The following CNTN4 variants were observed in gnomAD, a reference collection of about 807,000 sequenced individuals.
CNTN4 encodes the protein contactin-4.
CNTN4 carries 77 observed loss-of-function variants against 122.5 expected under a neutral mutation model. That is an observed-to-expected ratio of 0.63 (90% CI 0.52 to 0.76). The LOEUF (loss-of-function observed/expected upper bound fraction) is 0.76, where lower values mean the gene tolerates loss of function less well. Ranked by LOEUF, CNTN4 falls within the 30% of genes least tolerant of loss-of-function variation. CNTN4 has a pLI of 0.00. For synonymous variants in CNTN4, 512 were observed against 447.0 expected (o/e 1.15, Z -1.83); for missense variants, 1,256 against 1,259.1 (o/e 1.00, Z 0.04).
chr3:2,136,058 T>A (rs558126432), intron 2 of CNTN4, among the ~76,000 whole-genome samples: 1 of 152,348 alleles, frequency 6.6e-6, no homozygotes, highest in African/African-American at 2.4e-5. Context: ...CTTATCTGGG[T>A]ATGGGCTCAT....
intron 14 of CNTN4, among the ~76,000 whole-genome samples, chr3:3,000,057 GATAAA>G (rs1171245113): frequency 6.6e-6 from 1 of 152,094 alleles, no homozygotes; most frequent in African/African-American, 2.4e-5. Context: ...TCTTAATAGT[GATAAA>G]ATATAAAGAT....
In CNTN4 at chr3:2,275,990, TA is replaced by T. The variant is rs200235949; in HGVS notation, c.-144-63184del. On this transcript the variant is annotated intron_variant, in intron 2 of 24. Transcript: ENST00000418658. The stretch of plus-strand genomic sequence containing the variant: ...AAAGATTTGAAATATCAGGTGAGTA[TA>T]AAATCATTGGTAATTCTAACAACTG... Among the ~76,000 whole-genome samples the T allele has an allele frequency of 5.3e-3, 798 of 151,066 alleles. 3 individuals are homozygous for T. Among genetic ancestry groups the T allele is most frequent in the Middle Eastern group, 0.024 (7 of 292 alleles).
chr3:2,804,737 C>CTTTTTTTTTTTTTTTTTTTTTTT (rs370653933), intron 6 of CNTN4, among the ~76,000 whole-genome samples: 9 of 144,966 alleles, frequency 6.2e-5, no homozygotes, highest in African/African-American at 1.5e-4. Context: ...ATTTTGAGCA[C>CTTTTTTTTTTTTTTTTTTTTTTT]TTTTTTTTTG....
chr3:2,228,140 C>T (rs2039354910), intron 2 of CNTN4, among the ~76,000 whole-genome samples: 1 of 151,726 alleles, frequency 6.6e-6, no homozygotes, highest in Admixed American at 6.6e-5. Context: ...ATAAATTGGC[C>T]AAATAATTAT....
intron 4 of CNTN4, among the ~76,000 whole-genome samples, chr3:2,691,007 C>T (rs919473428): frequency 1.6e-4 from 25 of 152,170 alleles, no homozygotes; most frequent in African/African-American, 4.8e-4. Flanking sequence ...GGGAAGACCA[C>T]GTGAGAAACT....
intron 3 of CNTN4, among the ~76,000 whole-genome samples, chr3:2,393,432 A>C (rs1334439031): frequency 6.6e-6 from 1 of 152,130 alleles, no homozygotes; most frequent in Non-Finnish European, 1.5e-5. Context: ...TTTTAATAGC[A>C]TATGGCAGAT....
intron 14 of CNTN4, among the ~76,000 whole-genome samples, chr3:3,012,519 G>A (rs1315995939): frequency 2.6e-5 from 4 of 151,608 alleles, no homozygotes; most frequent in East Asian, 2.0e-4. Flanking sequence ...GCGTGATCTC[G>A]GCTCACTGCA....
intron 4 of CNTN4, among the ~76,000 whole-genome samples, chr3:2,651,410 A>G (rs1233044357): frequency 2.6e-5 from 4 of 152,200 alleles, no homozygotes; most frequent in Non-Finnish European, 5.9e-5. Context: ...CCACATAGGT[A>G]GTCAGTCATT....
chr3:2,809,844 G>C (rs1209613812), intron 6 of CNTN4, among the ~76,000 whole-genome samples: 1 of 152,122 alleles, frequency 6.6e-6, no homozygotes, highest in Non-Finnish European at 1.5e-5. Flanking sequence ...AAATTAAGTT[G>C]TTCTTTGGCC....
intron 4 of CNTN4, among the ~76,000 whole-genome samples, chr3:2,602,853 C>G (rs540196856): frequency 9.4e-4 from 143 of 152,268 alleles, no homozygotes; most frequent in Non-Finnish European, 1.5e-3. Flanking sequence ...ACTGAATGTG[C>G]TTTCTTAAGT....
intron 2 of CNTN4, among the ~76,000 whole-genome samples, chr3:2,290,874 G>A (rs1256177911): frequency 6.6e-6 from 1 of 151,104 alleles, no homozygotes; most frequent in Non-Finnish European, 1.5e-5. Flanking sequence ...ACTTTGTAGA[G>A]TTTATTGTGG....
intron 3 of CNTN4, chr3:2,362,704 A>G: frequency 2.9e-6 from 1 of 342,820 alleles, no homozygotes; most frequent in South Asian, 2.5e-5. Context: ...CTGCACATTC[A>G]CTTACTTGGG....
chr3:2,365,209 C>A (rs2045325945), intron 3 of CNTN4, among the ~76,000 whole-genome samples: 1 of 152,028 alleles, frequency 6.6e-6, no homozygotes, highest in South Asian at 2.1e-4. Flanking sequence ...GCCAAGTTAC[C>A]TTACTTGGTT....
chr3:2,492,723 T>G (rs906288156), intron 3 of CNTN4, among the ~76,000 whole-genome samples: 3 of 152,180 alleles, frequency 2.0e-5, no homozygotes, highest in African/African-American at 7.2e-5. Context: ...TCCTTCTGTT[T>G]AAGAGACTGC....
At chr3:2,306,624 T>C (rs925734232) in intron 2 of CNTN4, among the ~76,000 whole-genome samples, 1 of 152,156 alleles carries the variant, frequency 6.6e-6, no homozygotes, top group African/African-American at 2.4e-5. Context: ...TCCATATGAA[T>C]ATAAGGACCA....
chr3:2,858,929 ACT>A lies in CNTN4; in HGVS notation c.455-7819_455-7818del, dbSNP rs1300639136. 3.9e-5 allele frequency among the ~76,000 whole-genome samples: 6 copies of A among 152,206 alleles called. No individual in the cohort carries two copies. The East Asian group carries it at 1.2e-3, about 29-fold the overall frequency. On this transcript the variant is annotated intron_variant, in intron 7 of 24. Transcript: ENST00000418658. Reference sequence around the variant, plus strand: ...TCTATGGCAAGAACTTTGAAAATTTACTCTCAGCAATTTTCAAGAATAGAATA... The same window carrying A: ...TCTATGGCAAGAACTTTGAAAATTTACTCAGCAATTTTCAAGAATAGAATA...
chr3:2,629,396 G>A (rs779962485), intron 4 of CNTN4: 28 of 339,338 alleles, frequency 8.3e-5, no homozygotes, highest in Non-Finnish European at 1.6e-4. Context: ...GCAGACTAAT[G>A]CAGCATCTAA....
At chr3:2,989,766 A>G (rs956036950) in intron 14 of CNTN4, among the ~76,000 whole-genome samples, 2 of 152,200 alleles carry the variant, frequency 1.3e-5, no homozygotes, top group Non-Finnish European at 2.9e-5. Context: ...AGGTTAGATA[A>G]TATTTGTAAA....
chr3:2,510,556 C>T (rs994918795), intron 3 of CNTN4, among the ~76,000 whole-genome samples: 5 of 152,154 alleles, frequency 3.3e-5, no homozygotes, highest in Admixed American at 3.3e-4. Context: ...TTATGAGTGA[C>T]ACAGGCGCTG....
Sources: gnomAD v4.1 joint callset for allele counts (sites outside exome capture counted in the v4.1 genomes callset) on GRCh38, gnomAD v4.1.1 for gene constraint, MANE v1.5 for transcripts, NCBI Gene and HGNC (gene_info 2026-07-23, HGNC 2026-07-21) for gene names.